Variants in ADAMTS17 observed in about 807,000 individuals in gnomAD.
The protein encoded by ADAMTS17 is A disintegrin and metalloproteinase with thrombospondin motifs 17.
A neutral mutation model predicts 141.5 loss-of-function variants in ADAMTS17; 113 were observed. The ratio of observed to expected loss-of-function variants is 0.80; its 90% CI spans 0.69 to 0.93. The LOEUF (loss-of-function observed/expected upper bound fraction) is 0.93. ADAMTS17 is among the 40% of genes least tolerant of loss of function. The pLI is 0.00. For synonymous variants in ADAMTS17, 768 were observed against 630.6 expected (o/e 1.22, Z -3.27); for missense variants, 1,659 against 1,517.9 (o/e 1.09, Z -1.54).
intron 15 of ADAMTS17, 52 bp downstream of exon 15, chr15:100,096,304 G>A: frequency 1.2e-6 from 2 of 1,608,362 alleles, no homozygotes; most frequent in East Asian, 2.2e-5. Context: ...ATAGCTGTAG[G>A]CAAAGGACAC....
At chr15:100,044,569 G>A (rs1280548454) in intron 18 of ADAMTS17, among the ~76,000 whole-genome samples, 1 of 152,184 alleles carries the variant, frequency 6.6e-6, no homozygotes, top group East Asian at 1.9e-4. Flanking sequence ...CATGAGCATA[G>A]CTTTTCTTAC....
intron 7 of ADAMTS17, among the ~76,000 whole-genome samples, chr15:100,253,341 A>G (rs2043211670): frequency 8.1e-6 from 1 of 123,244 alleles, no homozygotes; most frequent in Non-Finnish European, 1.7e-5. Context: ...TGGCAGGTGA[A>G]GGGGAAGGTG....
At position 100,127,684 on chromosome 15, in the gene ADAMTS17, C is replaced by T. The variant is rs556077047; in HGVS notation, c.1721+4323G>A. 7.2e-5 allele frequency among the ~76,000 whole-genome samples: 11 copies of T among 152,294 alleles called. No homozygotes were observed. The South Asian group carries it at 1.9e-3, about 26-fold the overall frequency. On this transcript the variant is annotated intron_variant, in intron 12 of 21. Transcript: ENST00000268070. ...GCAAACTGCACCTCCCGGGTACAAG[C>T]GATTCTCCCGCCTCAGCCTCCCAAG...
intron 15 of ADAMTS17, among the ~76,000 whole-genome samples, chr15:100,066,967 G>A (rs34906482): frequency 0.034 from 304 of 8,982 alleles, 15 homozygotes; most frequent in South Asian, 0.057. Context: ...TTCCTTCAAC[G>A]CTTGAAATAC....
intron 3 of ADAMTS17, among the ~76,000 whole-genome samples, chr15:100,308,990 C>T (rs1425666793): frequency 2.0e-5 from 3 of 152,238 alleles, no homozygotes; most frequent in Non-Finnish European, 2.9e-5. Flanking sequence ...ATTTTCACAA[C>T]TTAGATGTCC....
intron 4 of ADAMTS17, among the ~76,000 whole-genome samples, chr15:100,274,979 C>T (rs962542490): frequency 6.6e-6 from 1 of 152,126 alleles, no homozygotes; most frequent in African/African-American, 2.4e-5. Flanking sequence ...CATTAAAAAC[C>T]TCAGCAGAAT....
chr15:100,157,534 G>C (rs760561268), intron 8 of ADAMTS17, among the ~76,000 whole-genome samples: 32 of 152,148 alleles, frequency 2.1e-4, no homozygotes, highest in Non-Finnish European at 3.7e-4. Flanking sequence ...GGTCTGGACT[G>C]CTATCAACCT....
At position 100,199,318 on chromosome 15, in the gene ADAMTS17, T is replaced by C. The variant is rs2041233381; in HGVS notation, c.1181A>G (p.Asn394Ser). ...GGACGACACAGAGTCTGATACTTAC[T>C]TGTGGCCCAGCTCATGGGCGATGGT... ...AFTIAHELGH[N>S]LGMNHDDDHS... Residue 394 changes from asparagine to serine, a missense_variant and splice_region_variant, in exon 8 of 22, where the codon AAC becomes AGC. Asn to Ser is a conservative substitution (Grantham distance 46, BLOSUM62 1). Transcript: ENST00000268070. 2 of 1,613,740 alleles carry C rather than the reference T, an allele frequency of 1.2e-6. No homozygotes were observed. The highest frequency in any genetic ancestry group is 1.7e-6 in the Non-Finnish European group (2 of 1,179,596).
intron 3 of ADAMTS17, among the ~76,000 whole-genome samples, chr15:100,294,090 G>T (rs2044730414): frequency 6.6e-6 from 1 of 152,142 alleles, no homozygotes; most frequent in Non-Finnish European, 1.5e-5. Context: ...GGGATTAAGA[G>T]GCCCACGCTC....
At chr15:100,153,798 C>G (rs2039302863) in intron 9 of ADAMTS17, among the ~76,000 whole-genome samples, 1 of 152,230 alleles carries the variant, frequency 6.6e-6, no homozygotes, top group Non-Finnish European at 1.5e-5. Flanking sequence ...GAAAGAGTTG[C>G]ATGAACACAA....
intron 18 of ADAMTS17, among the ~76,000 whole-genome samples, chr15:100,015,971 T>C (rs1303929479): frequency 6.6e-6 from 1 of 152,218 alleles, no homozygotes; most frequent in Non-Finnish European, 1.5e-5. Flanking sequence ...TTTCCAAACT[T>C]TTAGATTTCT....
At chr15:100,061,385 G>C (rs985794539) in intron 15 of ADAMTS17, among the ~76,000 whole-genome samples, 49 of 152,196 alleles carry the variant, frequency 3.2e-4, no homozygotes, top group African/African-American at 1.1e-3. Flanking sequence ...GGCTCTCCAA[G>C]GCACAGCCGA....
chr15:100,092,140 A>G (rs2035507312), intron 15 of ADAMTS17, among the ~76,000 whole-genome samples: 1 of 152,222 alleles, frequency 6.6e-6, no homozygotes, highest in Non-Finnish European at 1.5e-5. Context: ...GCCAGAGCAC[A>G]CGGTGTGCTT....
chr15:100,287,826 C>A (rs2044496881), intron 3 of ADAMTS17, among the ~76,000 whole-genome samples: 3 of 152,164 alleles, frequency 2.0e-5, no homozygotes, highest in African/African-American at 2.4e-5. Flanking sequence ...GAATTTAATA[C>A]CACCAGACCT....
rs183656025 is a variant in ADAMTS17, at chr15:100,125,936, G to T, written c.1721+6071C>A. 6.3e-3 allele frequency among the ~76,000 whole-genome samples: 962 copies of T among 152,220 alleles called. 3 individuals are homozygous for T. The highest frequency in any genetic ancestry group is 8.7e-3 in the Non-Finnish European group (589 of 67,984). Reference sequence around the variant, plus strand: ...GAGCCAGGAATATAAAGTGAAGGGGGTGAGAAGGGGGTCGTGGGAGCGTTC... The same window carrying T: ...GAGCCAGGAATATAAAGTGAAGGGGTTGAGAAGGGGGTCGTGGGAGCGTTC... On this transcript the variant is annotated intron_variant, in intron 12 of 21. Coordinates refer to ENST00000268070, the MANE Select transcript of ADAMTS17 (RefSeq NM_139057.4).
intron 3 of ADAMTS17, among the ~76,000 whole-genome samples, chr15:100,282,994 C>T (rs561075289): frequency 1.4e-4 from 21 of 152,276 alleles, no homozygotes; most frequent in African/African-American, 3.6e-4. Flanking sequence ...ATGTGATCTT[C>T]GTTTTCCTAT....
chr15:100,299,513 GAAA>G (rs879384077), intron 3 of ADAMTS17, among the ~76,000 whole-genome samples: 193 of 87,632 alleles, frequency 2.2e-3, no homozygotes, highest in Non-Finnish European at 3.3e-3. Flanking sequence ...TGATGGAAAA[GAAA>G]AAAAAAAAAA....
At chr15:100,058,900 C>T (rs868177691) in intron 15 of ADAMTS17, among the ~76,000 whole-genome samples, 2 of 152,212 alleles carry the variant, frequency 1.3e-5, no homozygotes, top group South Asian at 4.1e-4. Context: ...GCAAGCTCAA[C>T]TGCTGATGGG....
At chr15:100,053,087 T>C (rs1247928298) in intron 16 of ADAMTS17, among the ~76,000 whole-genome samples, 1 of 152,214 alleles carries the variant, frequency 6.6e-6, no homozygotes, top group Admixed American at 6.5e-5. Flanking sequence ...TGGCAGGCAC[T>C]GTGGACAAAG....
Sources: gnomAD v4.1 joint callset for allele counts (sites outside exome capture counted in the v4.1 genomes callset) on GRCh38, gnomAD v4.1.1 for gene constraint, MANE v1.5 for transcripts, NCBI Gene and HGNC (gene_info 2026-07-23, HGNC 2026-07-21) for gene names.